CYB5R4: variants seen among roughly 807,000 people sequenced by gnomAD.
CYB5R4 encodes the protein cytochrome b5 reductase 4.
In CYB5R4, 55 loss-of-function variants were observed where a neutral mutation model predicts 70.2. That is an observed-to-expected ratio of 0.78 (90% confidence interval 0.63 to 0.98). CYB5R4 has a LOEUF of 0.98. CYB5R4 is among the 50% of genes least tolerant of loss of function. CYB5R4 has a pLI of 0.00. For synonymous variants in CYB5R4, 197 were observed against 199.5 expected, an observed-to-expected ratio of 0.99 and a Z score of 0.11; for missense variants, 562 against 612.6, an observed-to-expected ratio of 0.92 and a Z score of 0.87.
chr6:83,941,632 C>A (rs1471681645), intron 14 of CYB5R4, among the ~76,000 whole-genome samples: 1 of 152,158 alleles, frequency 6.6e-6, no homozygotes, highest in East Asian at 1.9e-4. Flanking sequence ...TCCCTGCTGT[C>A]TCCCATCATC....
rs963467222 is a variant in CYB5R4 at position 83,964,943 on chromosome 6, T to A, written c.*5065T>A. 1 of 152,200 alleles carries A rather than the reference T, an allele frequency of 6.6e-6. No individual in the cohort carries two copies. Among genetic ancestry groups the A allele is most frequent in the African/African-American group, 2.4e-5 (1 of 41,458 alleles). The allele number at this position is 152,200 out of a possible 1,614,324, so 9.4% of individuals were successfully genotyped here. On this transcript the variant is annotated 3_prime_UTR_variant, in exon 16 of 16. Transcript: ENST00000369681. The stretch of plus-strand genomic sequence containing the variant: ...GCCTTAAGCCTTGGCAACTTCCATG[T>A]GATGTTGAGCATGTGGGTGCACAGA...
chr6:83,867,152 G>C (rs1358653242), intron 2 of CYB5R4, among the ~76,000 whole-genome samples: 1 of 152,208 alleles, frequency 6.6e-6, no homozygotes, highest in African/African-American at 2.4e-5. Context: ...AGTGATATCA[G>C]ACTGTTGGAA....
At chr6:83,919,331 G>A (rs2099465998) in intron 6 of CYB5R4, 66 bp from the exon 7 acceptor site, 1 of 865,568 alleles carries the variant, frequency 1.2e-6, no homozygotes, top group Non-Finnish European at 1.8e-6. Flanking sequence ...AACATTTAAT[G>A]ATTAATATAT....
chr6:83,957,646 A>G (rs2099472640), intron 15 of CYB5R4, among the ~76,000 whole-genome samples: 1 of 150,692 alleles, frequency 6.6e-6, no homozygotes, highest in South Asian at 2.1e-4. Flanking sequence ...AAAAAAAAAA[A>G]TTGACCAGAA....
chr6:83,861,216 CA>C (rs1474622459), intron 1 of CYB5R4, among the ~76,000 whole-genome samples: 5 of 152,294 alleles, frequency 3.3e-5, no homozygotes, highest in Non-Finnish European at 2.9e-5. Context: ...AAAAGTCACA[CA>C]GGGGGCGATG....
At chr6:83,860,483 G>T (rs548135414) in intron 1 of CYB5R4, among the ~76,000 whole-genome samples, 19 of 152,294 alleles carry the variant, frequency 1.2e-4, no homozygotes, top group African/African-American at 3.8e-4. Flanking sequence ...TTGAGTTCTT[G>T]TTGAGCACAG....
At position 83,899,315 on chromosome 6, in the gene CYB5R4, C is replaced by T. The variant is rs916457922; in HGVS notation, c.330+5693C>T. 7.9e-5 allele frequency among the ~76,000 whole-genome samples: 12 copies of T among 152,178 alleles called. 1 individual carries two copies. Among genetic ancestry groups the T allele is most frequent in the Admixed American group, 2.6e-4 (4 of 15,286 alleles). On this transcript the variant is annotated intron_variant, in intron 3 of 15. Transcript: ENST00000369681. ...CAGCCTTCCATCCCAGGGATGAAGCCGACTTGATCATGGTGGATAAGCTTT... is the reference window on the plus strand; with the variant it reads ...CAGCCTTCCATCCCAGGGATGAAGCTGACTTGATCATGGTGGATAAGCTTT...
intron 10 of CYB5R4, among the ~76,000 whole-genome samples, chr6:83,925,700 A>G (rs373169116): frequency 6.6e-6 from 1 of 152,140 alleles, no homozygotes; most frequent in Non-Finnish European, 1.5e-5. Context: ...AATCTTTTCA[A>G]TATGGAAACT....
intron 10 of CYB5R4, among the ~76,000 whole-genome samples, chr6:83,932,245 A>G (rs746578058): frequency 6.6e-5 from 10 of 152,320 alleles, no homozygotes; most frequent in South Asian, 2.1e-4. Flanking sequence ...TCAGGCTTCT[A>G]TGGGTAGAAC....
chr6:83,954,508 A>G (rs1361360834), intron 14 of CYB5R4, among the ~76,000 whole-genome samples: 1 of 150,034 alleles, frequency 6.7e-6, no homozygotes, highest in African/African-American at 2.5e-5. Flanking sequence ...AACATAGTAC[A>G]CACTAGGAGG....
intron 3 of CYB5R4, among the ~76,000 whole-genome samples, chr6:83,894,658 ATAACATAAACAGTCAAT>A (rs2099461586): frequency 6.6e-6 from 1 of 152,232 alleles, no homozygotes; most frequent in African/African-American, 2.4e-5. Flanking sequence ...AGCCTTACTT[ATAACATAAACAGTCAAT>A]TAACATATAT....
chr6:83,954,195 T>TA (rs966584468), intron 14 of CYB5R4, among the ~76,000 whole-genome samples: 3 of 152,148 alleles, frequency 2.0e-5, no homozygotes, highest in East Asian at 3.9e-4. Context: ...TATTTTGATA[T>TA]AAAAAATCTT....
At chr6:83,922,764 GTTTTTTCCTATTTTTTC>G (rs2099466599) in intron 9 of CYB5R4, among the ~76,000 whole-genome samples, 1 of 151,902 alleles carries the variant, frequency 6.6e-6, no homozygotes, top group Admixed American at 6.6e-5. Context: ...CTGGTTTTGG[GTTTTTTCCTATTTTTTC>G]TTCCCCTTAT....
rs571412268 is a variant in CYB5R4, at chr6:83,921,100, A to G, written c.583A>G (p.Ile195Val). The change falls in exon 8 of 16, where the codon ATA (isoleucine) becomes GTA (valine). Residue 195 changes from isoleucine (I) to valine (V), a missense_variant. Transcript: ENST00000369681. ...CTTTAAGGATATCAATTTAGACTCA[A>G]TAATAGTTGATCATCAGAATGATTC... ...TKQKDINLDS[I>V]IVDHQNDSFR... 1.3e-6 allele frequency: 2 copies of G among 1,521,460 alleles called. No homozygotes were observed. The highest frequency in any genetic ancestry group is 2.0e-5 in the Admixed American group (1 of 49,716). The allele number at this position is 1,521,460 out of a possible 1,614,324, so 94.2% of individuals were successfully genotyped here. A position where few individuals can be genotyped will look rare whatever the true frequency, so the allele number is the denominator to read the frequency against.
intron 2 of CYB5R4, among the ~76,000 whole-genome samples, chr6:83,877,836 A>G (rs1270770771): frequency 6.6e-6 from 1 of 152,070 alleles, no homozygotes; most frequent in Non-Finnish European, 1.5e-5. Flanking sequence ...TTTGACTATG[A>G]TATGGTTTTC....
chr6:83,958,709 C>T (rs2099472837), intron 15 of CYB5R4, among the ~76,000 whole-genome samples: 1 of 152,014 alleles, frequency 6.6e-6, no homozygotes, highest in Non-Finnish European at 1.5e-5. Context: ...ATGTGTATGC[C>T]CTCTGGGAGC....
Position 83,936,382 on chromosome 6 carries a change from T to C in CYB5R4, c.1108+6T>C. 1 of 1,611,212 alleles carries C rather than the reference T, an allele frequency of 6.2e-7. No homozygotes were observed. Among genetic ancestry groups the C allele is most frequent in the Non-Finnish European group, 8.5e-7 (1 of 1,178,794 alleles). On this transcript the variant is annotated splice_donor_region_variant and intron_variant, in intron 12 of 15. Transcript: ENST00000369681. ...GCTTGATCGTCTTCAGATTGGTTAG[T>C]ATTTTTACATTTTTTAAACCTCATT... is the stretch of plus-strand genomic sequence containing the variant.
intron 2 of CYB5R4, 147 bp downstream of exon 2, chr6:83,864,475 A>T (rs933241791): frequency 9.0e-6 from 6 of 663,362 alleles, no homozygotes; most frequent in Non-Finnish European, 1.5e-5. Flanking sequence ...TATAATTCTG[A>T]CTTTGGATAG....
intron 2 of CYB5R4, among the ~76,000 whole-genome samples, chr6:83,871,153 ATT>A (rs1326194966): frequency 2.6e-5 from 4 of 151,264 alleles, no homozygotes; most frequent in African/African-American, 9.7e-5. Context: ...ATTTTTTTGT[ATT>A]TTTAGTAGAG....
Sources: allele counts gnomAD v4.1 joint callset (sites outside exome capture counted in the v4.1 genomes callset), GRCh38; gene constraint gnomAD v4.1.1; transcripts MANE v1.5; gene names NCBI Gene and HGNC (gene_info 2026-07-23, HGNC 2026-07-21).